Variants in ANLN observed in about 807,000 individuals in gnomAD.
ANLN encodes anillin, actin binding protein, also known as anillin.
A neutral mutation model predicts 135.1 loss-of-function variants in ANLN; 59 were observed. The ratio of observed to expected loss-of-function variants is 0.44; its 90% confidence interval spans 0.35 to 0.54. The LOEUF (loss-of-function observed/expected upper bound fraction) is 0.54, where lower values mean the gene tolerates loss of function less well. Ranked by LOEUF, ANLN falls within the 20% of genes least tolerant of loss-of-function variation. The pLI, the probability that ANLN is intolerant of heterozygous loss-of-function variation, is 0.00. For missense variants in ANLN, 1,182 were observed against 1,340.0 expected (o/e 0.88, Z 1.84); for synonymous variants, 406 against 456.4 (o/e 0.89, Z 1.41).
At chr7:36,404,760 G>T (rs146436415) in intron 3 of ANLN, among the ~76,000 whole-genome samples, 2 of 152,268 alleles carry the variant, frequency 1.3e-5, no homozygotes, top group Non-Finnish European at 2.9e-5. Flanking sequence ...CACAAGCACT[G>T]CATACTCCAG....
intron 20 of ANLN, among the ~76,000 whole-genome samples, chr7:36,436,905 A>T (rs573779956): frequency 6.6e-6 from 1 of 152,326 alleles, no homozygotes; most frequent in East Asian, 1.9e-4. Flanking sequence ...ATAATTGACA[A>T]ATATTTCAAA....
At chr7:36,450,928 A>G (rs1789217676) in intron 23 of ANLN, among the ~76,000 whole-genome samples, 1 of 152,168 alleles carries the variant, frequency 6.6e-6, no homozygotes, top group Non-Finnish European at 1.5e-5. Context: ...ACTTCTCCGT[A>G]GACCTTCCCC....
Position 36,420,667 on chromosome 7 carries a change from A to C in ANLN, c.2086A>C (p.Lys696Gln). 1 of 1,613,644 alleles carries C rather than the reference A, an allele frequency of 6.2e-7. No homozygotes were observed. Among genetic ancestry groups the C allele is most frequent in the Non-Finnish European group, 8.5e-7 (1 of 1,179,546 alleles). The change falls in exon 12 of 24, where the codon AAG (lysine) becomes CAG (glutamine). Residue 696 changes from lysine to glutamine, a missense_variant. Lys to Gln is a moderately conservative substitution (Grantham distance 53). Around this residue, in one of 3 missense-constraint regions of ANLN, gnomAD observed 1,022 missense variants for 1,134.0 expected, o/e 0.90. Coordinates refer to ENST00000265748, the MANE Select transcript of ANLN (RefSeq NM_018685.5). Reference sequence around the variant, plus strand: ...ATCAATAAAGCAGGTGATTGTTCGGAAGGAAGATGTTACTTCAAAACTGGA... The same window carrying C: ...ATCAATAAAGCAGGTGATTGTTCGGCAGGAAGATGTTACTTCAAAACTGGA... ...RPSIKQVIVR[K>Q]EDVTSKLDEK...
chr7:36,403,619 G>T (rs1000854342), intron 3 of ANLN: 1 of 152,024 alleles, frequency 6.6e-6, no homozygotes, highest in Non-Finnish European at 1.5e-5. Flanking sequence ...AAAGAGGGGC[G>T]GTAGTTAAAG....
chr7:36,407,082 T>C (rs898608652), intron 4 of ANLN, among the ~76,000 whole-genome samples: 1 of 152,184 alleles, frequency 6.6e-6, no homozygotes, highest in African/African-American at 2.4e-5. Context: ...AAAAACAATC[T>C]TAAATAAAAA....
At chr7:36,445,712 G>A (rs969073582) in intron 22 of ANLN, among the ~76,000 whole-genome samples, 1 of 152,164 alleles carries the variant, frequency 6.6e-6, no homozygotes, top group African/African-American at 2.4e-5. Flanking sequence ...TGTACACATG[G>A]ATGAGAGTTC....
At chr7:36,452,338 T>C (rs1351396610) in intron 23 of ANLN, 139 bp from the exon 24 acceptor site, 2 of 1,058,888 alleles carry the variant, frequency 1.9e-6, no homozygotes, top group Non-Finnish European at 2.8e-6. Flanking sequence ...TAAGTGGCTG[T>C]GGATTAGCAT....
At chr7:36,435,717 C>T (rs937251074) in intron 20 of ANLN, among the ~76,000 whole-genome samples, 42 of 150,410 alleles carry the variant, frequency 2.8e-4, no homozygotes, top group African/African-American at 9.8e-4. Context: ...ACTAAAAATA[C>T]AAAAAATTAG....
chr7:36,420,550 T>A (rs1562802808), intron 11 of ANLN, 47 bp from the exon 12 acceptor site: 1 of 1,502,284 alleles, frequency 6.7e-7, no homozygotes, highest in Non-Finnish European at 9.2e-7. Context: ...AGGATAGTGC[T>A]CAGTGTGTTG....
chr7:36,425,116 C>T (rs1280265737), intron 17 of ANLN, among the ~76,000 whole-genome samples: 1 of 152,020 alleles, frequency 6.6e-6, no homozygotes, highest in African/African-American at 2.4e-5. Flanking sequence ...TCCAGCCTTC[C>T]CAGTCTGTGT....
chr7:36,406,150 G>GTT, intron 3 of ANLN, 31 bp from the exon 4 acceptor site: 1 of 1,561,318 alleles, frequency 6.4e-7, no homozygotes, highest in Non-Finnish European at 8.7e-7. Flanking sequence ...CTTAAACATG[G>GTT]TTTTTAACTC....
intron 20 of ANLN, among the ~76,000 whole-genome samples, chr7:36,430,454 A>G (rs1192365282): frequency 1.3e-5 from 2 of 152,184 alleles, no homozygotes; most frequent in Non-Finnish European, 2.9e-5. Context: ...AGTGAGTCAG[A>G]CTTTCAAACC....
In ANLN at chr7:36,415,746, C is replaced by G; in HGVS notation, c.1396-12C>G. On this transcript the variant is annotated splice_polypyrimidine_tract_variant and intron_variant, in intron 7 of 23. Transcript: ENST00000265748. ...TGAGAAATAAAATTTACTTTTCATT[C>G]GCTTTTTGCAGGAAACTCACTGTCA... 3 of 1,566,496 alleles carry G rather than the reference C, an allele frequency of 1.9e-6. No homozygotes were observed. Among genetic ancestry groups the G allele is most frequent in the Non-Finnish European group, 2.6e-6 (3 of 1,164,372 alleles).
intron 3 of ANLN, among the ~76,000 whole-genome samples, chr7:36,400,623 A>AAGT (rs138306090): frequency 0.049 from 7,470 of 152,060 alleles, 491 homozygotes; most frequent in African/African-American, 0.15. Context: ...TTGGCCTCCC[A>AAGT]AGTGTTAGGA....
In ANLN at chr7:36,421,932, G is replaced by A. The variant is rs746459373; in HGVS notation, c.2239G>A (p.Glu747Lys). ...CCAGGCTCTTAACTGCTGTGTTGAT[G>A]AAGAACATGGAAAAGGGTCCCTAGA... ...ASQALNCCVD[E>K]EHGKGSLEEA... The change falls in exon 13 of 24, where the codon GAA (glutamate) becomes AAA (lysine). Residue 747 changes from glutamate (E) to lysine (K), a missense_variant. Glu to Lys is a moderately conservative substitution (Grantham distance 56). Coordinates refer to ENST00000265748, the MANE Select transcript of ANLN (RefSeq NM_018685.5). 6.2e-7 allele frequency: 1 copy of A among 1,613,738 alleles called. No individual in the cohort carries two copies. Among genetic ancestry groups the A allele is most frequent in the South Asian group, 1.1e-5 (1 of 91,050 alleles).
At position 36,435,868 on chromosome 7, in the gene ANLN, G is replaced by A. The variant is rs1210628508; in HGVS notation, c.2884-3336G>A. ...AGCCTGGGCGACAGAGCGAGACTCC[G>A]TCTCAAAAAAAAAAAAAAAAAAAAA... On this transcript the variant is annotated intron_variant, in intron 20 of 23. Coordinates refer to ENST00000265748, the MANE Select transcript of ANLN (RefSeq NM_018685.5). 1.7e-4 allele frequency among the ~76,000 whole-genome samples: 11 copies of A among 65,248 alleles called. No homozygotes were observed. In the East Asian group the frequency reaches 4.2e-3, roughly 25 times the overall value. 42.8% of individuals were successfully genotyped at this position (65,248 alleles called of 152,430 possible).
At chr7:36,425,293 CTTTT>C (rs1221400271) in intron 17 of ANLN, among the ~76,000 whole-genome samples, 3 of 123,616 alleles carry the variant, frequency 2.4e-5, no homozygotes, top group Admixed American at 8.7e-5. Context: ...AGAACTCATT[CTTTT>C]TTTTTTTTTT....
intron 13 of ANLN, among the ~76,000 whole-genome samples, chr7:36,422,223 A>C (rs1289175831): frequency 1.3e-5 from 2 of 152,228 alleles, no homozygotes; most frequent in African/African-American, 4.8e-5. Flanking sequence ...GCAGTTGTGC[A>C]GATTGAATGA....
At chr7:36,428,714 T>G (rs2116707094) in intron 20 of ANLN, among the ~76,000 whole-genome samples, 1 of 152,048 alleles carries the variant, frequency 6.6e-6, no homozygotes, top group South Asian at 2.1e-4. Context: ...AAACTAAAAA[T>G]TATTCAATAT....
Sources: gnomAD v4.1 joint callset for allele counts (sites outside exome capture counted in the v4.1 genomes callset) on GRCh38, gnomAD v4.1.1 for gene constraint, gnomAD v4.1.1 regional missense constraint, MANE v1.5 for transcripts, NCBI Gene and HGNC (gene_info 2026-07-23, HGNC 2026-07-21) for gene names.